Variants in FKBP5 observed in about 807,000 individuals in gnomAD.
FKBP5 encodes peptidyl-prolyl cis-trans isomerase FKBP5.
Under a neutral mutation model 50.5 loss-of-function variants are expected in FKBP5, and 23 were observed. The ratio of observed to expected loss-of-function variants is 0.46; its 90% CI spans 0.33 to 0.65. The LOEUF (loss-of-function observed/expected upper bound fraction) is 0.65, where lower values mean the gene tolerates loss of function less well. Among genes scored for constraint, FKBP5 ranks in the 30% least tolerant of loss-of-function variants. The pLI is 0.02. For missense variants in FKBP5, 411 were observed against 553.1 expected (o/e 0.74, Z 2.58); for synonymous variants, 176 against 190.6 (o/e 0.92, Z 0.63).
intron 1 of FKBP5, among the ~76,000 whole-genome samples, chr6:35,669,761 AATTCACAT>A (rs1394402960): frequency 6.6e-6 from 1 of 152,246 alleles, no homozygotes; most frequent in Non-Finnish European, 1.5e-5. Context: ...CATATGTAAG[AATTCACAT>A]AACAAACCTC....
At chr6:35,688,192 G>T (rs1431699111) in intron 1 of FKBP5, among the ~76,000 whole-genome samples, 1 of 152,210 alleles carries the variant, frequency 6.6e-6, no homozygotes, top group East Asian at 1.9e-4. Context: ...GGCGGGGACC[G>T]CCCGTCCACA....
chr6:35,622,108 G>T (rs1376568009), intron 3 of FKBP5, among the ~76,000 whole-genome samples: 1 of 152,234 alleles, frequency 6.6e-6, no homozygotes, highest in East Asian at 1.9e-4. Context: ...CTACATAACA[G>T]TATGTAAGCA....
At chr6:35,648,486 G>A (rs1421829874) in intron 1 of FKBP5, among the ~76,000 whole-genome samples, 51 of 151,770 alleles carry the variant, frequency 3.4e-4, no homozygotes, top group Admixed American at 3.3e-3. Context: ...ATGTTGCCCA[G>A]GCTGGTCTTG....
rs188540339 is a variant in FKBP5, at chr6:35,653,069, G to C, written c.-19-10226C>G. ...GATGGGAGTATTGATAGACATAAAG[G>C]TTGGTTCCAGGCCAGGCACAGTGGC... On this transcript the variant is annotated intron_variant, in intron 1 of 10. Coordinates refer to ENST00000357266, the MANE Select transcript of FKBP5 (RefSeq NM_004117.4). Among the ~76,000 whole-genome samples, 294 of 152,290 alleles carry C rather than the reference G, an allele frequency of 1.9e-3. 5 individuals carry two copies. The highest frequency in any genetic ancestry group is 1.2e-3 in the East Asian group (6 of 5,190).
At chr6:35,619,016 CA>C (rs1554133225) in intron 5 of FKBP5, 79 bp downstream of exon 5, 2 of 940,364 alleles carry the variant, frequency 2.1e-6, no homozygotes, top group Non-Finnish European at 1.7e-6. Flanking sequence ...TTTCTACAAA[CA>C]TTTTTTTTTA....
At chr6:35,695,213 G>T (rs533792180) in intron 2 of FKBP5, among the ~76,000 whole-genome samples, 1 of 152,278 alleles carries the variant, frequency 6.6e-6, no homozygotes, top group East Asian at 1.9e-4. Context: ...ACCCAGGCTG[G>T]AGTGCAGTGG....
intron 5 of FKBP5, among the ~76,000 whole-genome samples, chr6:35,601,809 T>C (rs146067306): frequency 9.4e-4 from 143 of 152,202 alleles, no homozygotes; most frequent in Non-Finnish European, 1.7e-3. Flanking sequence ...TAAAAGTACA[T>C]ACAGGATGCT....
chr6:35,575,490 A>C lies in FKBP5; in HGVS notation c.*345T>G, dbSNP rs1762183044. 9.0e-6 allele frequency: 2 copies of C among 222,074 alleles called. No homozygotes were observed. The highest frequency in any genetic ancestry group is 2.2e-4 in the South Asian group (2 of 8,904). The allele number at this position is 222,074 out of a possible 1,614,324, so 13.8% of individuals were successfully genotyped here. On this transcript the variant is annotated 3_prime_UTR_variant, in exon 11 of 11. Coordinates refer to ENST00000357266, the MANE Select transcript of FKBP5 (RefSeq NM_004117.4). ...AGTGCTATGAAAGTTCAAAGGTAAA[A>C]CCTAACAGCCCCACATTGTTAGGAT...
chr6:35,721,748 C>T (rs543803286), intron 1 of FKBP5, among the ~76,000 whole-genome samples: 4 of 152,350 alleles, frequency 2.6e-5, no homozygotes, highest in Admixed American at 2.0e-4. Flanking sequence ...GCCACCATGC[C>T]CAGCCGACAA....
At chr6:35,576,352 A>G (rs1029656241) in intron 10 of FKBP5, among the ~76,000 whole-genome samples, 8 of 152,136 alleles carry the variant, frequency 5.3e-5, no homozygotes, top group Admixed American at 5.2e-4. Flanking sequence ...TGAAAAAAAA[A>G]TCCTGATGGG....
At chr6:35,594,681 C>T (rs1762925556) in intron 6 of FKBP5, among the ~76,000 whole-genome samples, 3 of 152,098 alleles carry the variant, frequency 2.0e-5, no homozygotes, top group African/African-American at 7.2e-5. Flanking sequence ...CATACGCACA[C>T]ACATATATAG....
intron 6 of FKBP5, among the ~76,000 whole-genome samples, chr6:35,592,205 A>G (rs1214692229): frequency 2.0e-5 from 3 of 152,246 alleles, no homozygotes; most frequent in African/African-American, 7.2e-5. Context: ...TCAAGCTTTC[A>G]AGGTACAGGT....
Position 35,620,100 on chromosome 6 carries a change from T to C in FKBP5, c.393+32A>G, listed in dbSNP as rs771726354. 4 of 1,613,778 alleles carry C rather than the reference T, an allele frequency of 2.5e-6. No individual in the cohort carries two copies. In the East Asian group the frequency reaches 6.7e-5, roughly 27 times the overall value. ...AAAGCCATTCCTATTGTAGAGCAGA[T>C]GCTGACAAGGCAACATCACACACAT... On this transcript the variant is annotated intron_variant, in intron 4 of 10. Transcript: ENST00000357266.
intron 1 of FKBP5, among the ~76,000 whole-genome samples, chr6:35,680,157 AC>A (rs1765628920): frequency 6.6e-6 from 1 of 151,944 alleles, no homozygotes; most frequent in African/African-American, 2.4e-5. Context: ...CAGGCCAGGC[AC>A]AGTGGCTTAT....
chr6:35,649,210 C>T (rs1236455816), intron 1 of FKBP5, among the ~76,000 whole-genome samples: 16 of 143,938 alleles, frequency 1.1e-4, no homozygotes, highest in African/African-American at 3.6e-4. Flanking sequence ...AAGATCGCAC[C>T]ACTGCACTCC....
chr6:35,597,536 C>G, intron 5 of FKBP5, 132 bp from the exon 6 acceptor site: 39 of 1,041,998 alleles, frequency 3.7e-5, no homozygotes, highest in Non-Finnish European at 4.6e-5. Flanking sequence ...GAGACACACA[C>G]AGTGTGTCTT....
intron 2 of FKBP5, among the ~76,000 whole-genome samples, chr6:35,715,571 T>A (rs995623910): frequency 1.3e-5 from 2 of 152,098 alleles, no homozygotes; most frequent in East Asian, 3.9e-4. Context: ...GGAAAGGGCA[T>A]CCAGGCAGCA....
chr6:35,658,193 G>A (rs1198338269), intron 1 of FKBP5, among the ~76,000 whole-genome samples: 6 of 152,010 alleles, frequency 3.9e-5, no homozygotes, highest in Admixed American at 6.5e-5. Flanking sequence ...TGGCTAACAC[G>A]GTGAAACCCC....
chr6:35,727,740 CCGG>C (rs1766745783), intron 1 of FKBP5, among the ~76,000 whole-genome samples: 3 of 152,234 alleles, frequency 2.0e-5, no homozygotes, highest in African/African-American at 7.2e-5. Flanking sequence ...CTCCCGCCCC[CCGG>C]ACTGAGCGCT....
Sources: allele counts gnomAD v4.1 joint callset (sites outside exome capture counted in the v4.1 genomes callset), GRCh38; gene constraint gnomAD v4.1.1; transcripts MANE v1.5; gene names NCBI Gene and HGNC (gene_info 2026-07-23, HGNC 2026-07-21).